The following SCN10A variants were observed in gnomAD, a reference collection of about 807,000 sequenced individuals.
The protein encoded by SCN10A is sodium voltage-gated channel alpha subunit 10, also known as sodium channel protein type 10 subunit alpha.
Under a neutral mutation model 170.7 loss-of-function variants are expected in SCN10A, and 162 were observed. The ratio of observed to expected loss-of-function variants is 0.95; its 90% CI spans 0.84 to 1.08. The LOEUF is 1.08. SCN10A is among the 50% of genes least tolerant of loss of function. The probability of loss-of-function intolerance (pLI) is 0.00; values close to 1 mark genes in which losing one functional copy is unlikely to be tolerated. For synonymous variants in SCN10A, 985 were observed against 904.6 expected (o/e 1.09, Z -1.59); for missense variants, 2,527 against 2,436.9 (o/e 1.04, Z -0.78).
At chr3:38,702,931 C>G (rs1292710437) in intron 26 of SCN10A, among the ~76,000 whole-genome samples, 1 of 152,150 alleles carries the variant, frequency 6.6e-6, no homozygotes, top group Non-Finnish European at 1.5e-5. Flanking sequence ...TCTGTGAGTC[C>G]TTGATCCCAA....
intron 4 of SCN10A, among the ~76,000 whole-genome samples, chr3:38,786,384 A>G (rs1359394774): frequency 6.6e-6 from 1 of 152,164 alleles, no homozygotes; most frequent in Non-Finnish European, 1.5e-5. Context: ...AAGAACAGAA[A>G]ACCAAACACC....
chr3:38,723,733 C>T (rs2063421634), intron 18 of SCN10A, among the ~76,000 whole-genome samples, 180 bp from the exon 19 acceptor site: 1 of 152,242 alleles, frequency 6.6e-6, no homozygotes, highest in Non-Finnish European at 1.5e-5. Flanking sequence ...ACCTTCGGGG[C>T]CCCTGATGGA....
At chr3:38,753,677 T>A (rs1237276582) in intron 11 of SCN10A, among the ~76,000 whole-genome samples, 1 of 152,106 alleles carries the variant, frequency 6.6e-6, no homozygotes, top group Non-Finnish European at 1.5e-5. Context: ...AATTGACACA[T>A]CCATATTAAG....
intron 3 of SCN10A, among the ~76,000 whole-genome samples, chr3:38,789,806 A>G (rs1048018991): frequency 2.6e-5 from 4 of 152,096 alleles, no homozygotes; most frequent in African/African-American, 9.7e-5. Flanking sequence ...TGGAAGGGGA[A>G]AATAGAAGGG....
At position 38,791,940 on chromosome 3, in the gene SCN10A, T is replaced by C. The variant is rs566494492; in HGVS notation, c.389+110A>G. The stretch of plus-strand genomic sequence containing the variant: ...TCAATCTAATGACCTCATTGTACTT[T>C]TGGGATTCAATTGGATAAGGGCTCT... On this transcript the variant is annotated intron_variant, in intron 3 of 27. Transcript: ENST00000449082. 1.1e-4 allele frequency: 152 copies of C among 1,400,306 alleles called. No homozygotes were observed. In the African/African-American group the frequency reaches 1.8e-3, roughly 17 times the overall value. The allele number at this position is 1,400,306 out of a possible 1,614,324, so 86.7% of individuals were successfully genotyped here. A position where few individuals can be genotyped will look rare whatever the true frequency, so the allele number is the denominator to read the frequency against.
chr3:38,721,756 T>A (rs1015140954), intron 20 of SCN10A, among the ~76,000 whole-genome samples: 9 of 152,256 alleles, frequency 5.9e-5, no homozygotes, highest in African/African-American at 2.2e-4. Flanking sequence ...TGAGAAGTGC[T>A]ATTGTAATGA....
chr3:38,803,525 T>C (rs984557900), intron 1 of SCN10A, among the ~76,000 whole-genome samples: 2 of 151,818 alleles, frequency 1.3e-5, no homozygotes, highest in Non-Finnish European at 2.9e-5. Context: ...CTGGAAACCA[T>C]CATTCTCAGC....
At chr3:38,745,668 A>G (rs371609091) in intron 13 of SCN10A, among the ~76,000 whole-genome samples, 55 of 151,346 alleles carry the variant, frequency 3.6e-4, no homozygotes, top group African/African-American at 1.1e-3. Flanking sequence ...CTACCCTTTT[A>G]CTCCATTAAT....
At chr3:38,735,793 G>A (rs1396608749) in intron 15 of SCN10A, among the ~76,000 whole-genome samples, 1 of 152,228 alleles carries the variant, frequency 6.6e-6, no homozygotes. Context: ...AAGGAAGACA[G>A]ACTTTTTATT....
chr3:38,706,934 C>A (rs2063216851), intron 26 of SCN10A, among the ~76,000 whole-genome samples: 2 of 152,146 alleles, frequency 1.3e-5, no homozygotes, highest in African/African-American at 4.8e-5. Context: ...TGATACATAA[C>A]CACACAAGTT....
intron 6 of SCN10A, among the ~76,000 whole-genome samples, chr3:38,762,480 C>G (rs900402477): frequency 5.9e-5 from 9 of 152,008 alleles, no homozygotes; most frequent in Admixed American, 3.9e-4. Context: ...AAGGATATCC[C>G]AGAAGAAGGG....
chr3:38,738,073 T>C (rs184067623), intron 15 of SCN10A, among the ~76,000 whole-genome samples: 2 of 151,900 alleles, frequency 1.3e-5, no homozygotes, highest in African/African-American at 4.8e-5. Flanking sequence ...TCTGAGTAGC[T>C]AGGATAACAG....
intron 1 of SCN10A, 43 bp downstream of exon 1, chr3:38,815,994 T>G (rs1193157695): frequency 6.6e-6 from 1 of 152,234 alleles, no homozygotes; most frequent in Non-Finnish European, 1.5e-5. Flanking sequence ...AGCACATATC[T>G]TTACACTGTT....
chr3:38,723,598 G>T (rs1428643186), intron 18 of SCN10A, 45 bp from the exon 19 acceptor site: 7 of 1,549,626 alleles, frequency 4.5e-6, no homozygotes, highest in Non-Finnish European at 6.1e-6. Flanking sequence ...TCTCCGCGGG[G>T]CCCGGGGAAT....
At position 38,699,497 on chromosome 3, in the gene SCN10A, C is replaced by T. The variant is rs12489221; in HGVS notation, c.4658-935G>A. ...AAATGGTGAGGGATGTAGCAGCAAGCTCTCGCTCCTTGCCAGGTTCCCTGG... is the reference window on the plus strand; with the variant it reads ...AAATGGTGAGGGATGTAGCAGCAAGTTCTCGCTCCTTGCCAGGTTCCCTGG... On this transcript the variant is annotated intron_variant, in intron 27 of 27. Coordinates refer to ENST00000449082, the MANE Select transcript of SCN10A (RefSeq NM_006514.4). 4.9e-3 allele frequency among the ~76,000 whole-genome samples: 741 copies of T among 152,264 alleles called. 26 individuals carry two copies. The highest frequency in any genetic ancestry group is 0.043 in the Admixed American group (665 of 15,298).
At position 38,760,756 on chromosome 3, in the gene SCN10A, A is replaced by G; in HGVS notation, c.884-9T>C. The G allele has an allele frequency of 6.2e-7, 1 of 1,610,840 alleles. No individual in the cohort carries two copies. Among genetic ancestry groups the G allele is most frequent in the Non-Finnish European group, 8.5e-7 (1 of 1,177,088 alleles). ...ATTTATGTAGATATCTGCTGAAGAA[A>G]GGAAGAAAAGAAAGCCTCACAGATG... On this transcript the variant is annotated splice_polypyrimidine_tract_variant and intron_variant, in intron 7 of 27. Coordinates refer to ENST00000449082, the MANE Select transcript of SCN10A (RefSeq NM_006514.4).
At chr3:38,749,271 A>G (rs894471295) in intron 13 of SCN10A, among the ~76,000 whole-genome samples, 2 of 152,212 alleles carry the variant, frequency 1.3e-5, no homozygotes, top group African/African-American at 2.4e-5. Flanking sequence ...CCAGCACTCA[A>G]GCTCCCTTAC....
At chr3:38,751,928 G>A (rs2063751085) in intron 12 of SCN10A, among the ~76,000 whole-genome samples, 1 of 152,206 alleles carries the variant, frequency 6.6e-6, no homozygotes, top group African/African-American at 2.4e-5. Flanking sequence ...CACTGAGGCA[G>A]TGATGTTGAG....
chr3:38,753,424 C>T (rs6784303), intron 11 of SCN10A, among the ~76,000 whole-genome samples: 61,926 of 151,968 alleles, frequency 0.41, 13,527 homozygotes, highest in East Asian at 0.79. Context: ...CCTTCCTTAA[C>T]TCCTTTTTAT....
Sources: allele counts gnomAD v4.1 joint callset (sites outside exome capture counted in the v4.1 genomes callset), GRCh38; gene constraint gnomAD v4.1.1; transcripts MANE v1.5; gene names NCBI Gene and HGNC (gene_info 2026-07-23, HGNC 2026-07-21).